The following DGKI variants were observed in gnomAD, a reference collection of about 807,000 sequenced individuals.
The protein encoded by DGKI is DAG kinase iota.
A neutral mutation model predicts 147.5 loss-of-function variants in DGKI; 55 were observed. That is an observed-to-expected ratio of 0.37 (90% confidence interval 0.30 to 0.47). DGKI has a LOEUF of 0.47. Among genes scored for constraint, DGKI ranks in the 20% least tolerant of loss-of-function variants. DGKI has a pLI of 1.00. For missense variants in DGKI, 1,007 were observed against 1,323.8 expected, an observed-to-expected ratio of 0.76 and a Z score of 3.71; for synonymous variants, 469 against 477.1, an observed-to-expected ratio of 0.98 and a Z score of 0.22.
intron 1 of DGKI, among the ~76,000 whole-genome samples, chr7:137,704,860 C>G (rs925396848): frequency 6.6e-6 from 1 of 152,002 alleles, no homozygotes; most frequent in Admixed American, 6.6e-5. Flanking sequence ...GGCAGTGAGA[C>G]GATATGTTAT....
intron 22 of DGKI, among the ~76,000 whole-genome samples, chr7:137,485,619 G>A (rs569150534): frequency 1.3e-5 from 2 of 151,914 alleles, no homozygotes; most frequent in African/African-American, 2.4e-5. Flanking sequence ...CTGAGAGAAG[G>A]TCATTAAGCT....
At chr7:137,457,614 T>C (rs1295347236) in intron 27 of DGKI, among the ~76,000 whole-genome samples, 1 of 152,166 alleles carries the variant, frequency 6.6e-6, no homozygotes, top group Non-Finnish European at 1.5e-5. Flanking sequence ...CAGACTATAC[T>C]AAAAAGGCCA....
At chr7:137,726,254 T>C (rs560488254) in intron 1 of DGKI, among the ~76,000 whole-genome samples, 2 of 152,254 alleles carry the variant, frequency 1.3e-5, no homozygotes, top group Non-Finnish European at 2.9e-5. Flanking sequence ...ATTCTCTCTC[T>C]CCCATATGTC....
intron 10 of DGKI, among the ~76,000 whole-genome samples, chr7:137,607,690 T>C: frequency 6.6e-6 from 1 of 152,202 alleles, no homozygotes; most frequent in East Asian, 1.9e-4. Context: ...ACTGCATCTC[T>C]AACCTTTGAT....
chr7:137,822,199 G>A (rs1290848107), intron 1 of DGKI, among the ~76,000 whole-genome samples: 1 of 152,170 alleles, frequency 6.6e-6, no homozygotes, highest in East Asian at 1.9e-4. Flanking sequence ...CTGAGGTCAG[G>A]AGTTCGAGAC....
chr7:137,626,609 GCTC>G (rs1215912247), intron 6 of DGKI, among the ~76,000 whole-genome samples: 15 of 152,202 alleles, frequency 9.9e-5, no homozygotes, highest in Admixed American at 1.3e-4. Context: ...CATTTGAAAA[GCTC>G]CTCATCATCC....
chr7:137,490,294 G>T (rs1815717187), intron 21 of DGKI, among the ~76,000 whole-genome samples: 1 of 152,182 alleles, frequency 6.6e-6, no homozygotes, highest in Admixed American at 6.5e-5. Flanking sequence ...CAATTCTTCT[G>T]AGCCTTGGTT....
intron 3 of DGKI, 124 bp downstream of exon 3, chr7:137,678,433 G>T (rs1388705993): frequency 3.5e-6 from 3 of 861,138 alleles, no homozygotes; most frequent in Non-Finnish European, 5.6e-6. Context: ...GAAAACATCC[G>T]GAAAGTTTTC....
chr7:137,541,540 T>C (rs1191996213), intron 20 of DGKI, among the ~76,000 whole-genome samples: 1 of 151,934 alleles, frequency 6.6e-6, no homozygotes, highest in African/African-American at 2.4e-5. Context: ...TATGAGGGAG[T>C]TGAGCATCTA....
chr7:137,484,102 A>AGATG lies in DGKI; in HGVS notation c.2373+1268_2373+1271dup, dbSNP rs1441025293. On this transcript the variant is annotated intron_variant, in intron 23 of 32. Transcript: ENST00000614521. ...ACTTTTCTTCCTTTCAAGGCCAGACAGATGGAAGAAAGAACTCTGGAAGTG... is the reference window on the plus strand; with the variant it reads ...ACTTTTCTTCCTTTCAAGGCCAGACAGATGGATGGAAGAAAGAACTCTGGAAGTG... Among the ~76,000 whole-genome samples, 12 of 152,222 alleles carry AGATG rather than the reference A, an allele frequency of 7.9e-5. No individual in the cohort carries two copies. The East Asian group carries it at 2.1e-3, about 27-fold the overall frequency.
At chr7:137,722,724 C>T in intron 1 of DGKI, 1 of 1,578,610 alleles carries the variant, frequency 6.3e-7, no homozygotes, top group Non-Finnish European at 8.7e-7. Context: ...CGGAGCAGTG[C>T]AAGATTGAGC....
chr7:137,511,461 C>T (rs1012592806), intron 21 of DGKI, among the ~76,000 whole-genome samples: 1 of 152,210 alleles, frequency 6.6e-6, no homozygotes, highest in Non-Finnish European at 1.5e-5. Context: ...AATTCAGACA[C>T]TTCTGAATAA....
intron 1 of DGKI, among the ~76,000 whole-genome samples, chr7:137,783,229 G>C (rs1349516047): frequency 6.6e-6 from 1 of 152,108 alleles, no homozygotes. Context: ...AATCAAAAAC[G>C]TGATACAGGA....
chr7:137,515,506 C>A (rs750032633), intron 21 of DGKI, among the ~76,000 whole-genome samples: 4 of 152,074 alleles, frequency 2.6e-5, no homozygotes, highest in Non-Finnish European at 5.9e-5. Flanking sequence ...TAAACTAAGT[C>A]AAAGTCAGTT....
intron 19 of DGKI, among the ~76,000 whole-genome samples, chr7:137,558,422 C>T (rs2550978): frequency 0.11 from 16,628 of 152,150 alleles, 2,051 homozygotes; most frequent in African/African-American, 0.3. Flanking sequence ...TACAGGTGCA[C>T]GCCACCATGT....
intron 1 of DGKI, among the ~76,000 whole-genome samples, chr7:137,761,696 T>C (rs2116808532): frequency 6.6e-6 from 1 of 152,266 alleles, no homozygotes; most frequent in Middle Eastern, 3.4e-3. Context: ...CATCTGTTCC[T>C]CTCAACTAAA....
chr7:137,416,420 A>G (rs923097978), intron 28 of DGKI, among the ~76,000 whole-genome samples: 6 of 152,346 alleles, frequency 3.9e-5, no homozygotes, highest in Middle Eastern at 3.4e-3. Flanking sequence ...GGATGTGAAC[A>G]AAGAGATAAA....
chr7:137,578,648 A>C (rs1292584658), intron 15 of DGKI, among the ~76,000 whole-genome samples: 1 of 152,156 alleles, frequency 6.6e-6, no homozygotes, highest in Non-Finnish European at 1.5e-5. Context: ...ACATCTGTGG[A>C]GGGGAGCTCT....
intron 28 of DGKI, among the ~76,000 whole-genome samples, chr7:137,438,117 C>G (rs867837794): frequency 2.8e-4 from 43 of 152,152 alleles, no homozygotes; most frequent in Middle Eastern, 3.4e-3. Flanking sequence ...CATCAGATGA[C>G]ATCAAAAAGA....
Sources: gnomAD v4.1 joint callset for allele counts (sites outside exome capture counted in the v4.1 genomes callset) on GRCh38, gnomAD v4.1.1 for gene constraint, MANE v1.5 for transcripts, NCBI Gene and HGNC (gene_info 2026-07-23, HGNC 2026-07-21) for gene names.